Variants in XRN1 observed in about 807,000 individuals in gnomAD.
XRN1 encodes 5'-3' exoribonuclease 1.
In XRN1, 67 loss-of-function variants were observed where a neutral mutation model predicts 222.3. The ratio of observed to expected loss-of-function variants is 0.30; its 90% CI spans 0.25 to 0.37. XRN1 has a LOEUF of 0.37. Ranked by LOEUF, XRN1 falls within the 10% of genes least tolerant of loss-of-function variation. XRN1 has a pLI of 1.00. For missense variants in XRN1, 1,707 were observed against 2,000.2 expected, an observed-to-expected ratio of 0.85 and a Z score of 2.80; for synonymous variants, 643 against 652.4, an observed-to-expected ratio of 0.99 and a Z score of 0.22.
chr3:142,442,956 A>G (rs2070302573), intron 1 of XRN1, among the ~76,000 whole-genome samples: 1 of 152,096 alleles, frequency 6.6e-6, no homozygotes, highest in Admixed American at 6.5e-5. Flanking sequence ...GATGGTCTCA[A>G]TCTCCTGACC....
chr3:142,367,279 C>T lies in XRN1; in HGVS notation c.3205-1913G>A, dbSNP rs188067092. Among the ~76,000 whole-genome samples, 406 of 151,848 alleles carry T rather than the reference C, an allele frequency of 2.7e-3. 3 individuals carry two copies. Among genetic ancestry groups the T allele is most frequent in the South Asian group, 0.022 (106 of 4,806 alleles). The stretch of plus-strand genomic sequence containing the variant: ...TCCAGCCTGGGCAACAAGACTGAAA[C>T]TCCGTCTCAAAAAAAAAAAGAAAGA... On this transcript the variant is annotated intron_variant, in intron 27 of 40. Transcript: ENST00000392981.
chr3:142,312,400 T>C lies in XRN1; in HGVS notation c.4782+198A>G, dbSNP rs2065100982. 2.6e-5 allele frequency among the ~76,000 whole-genome samples: 4 copies of C among 152,202 alleles called. No individual in the cohort carries two copies. The South Asian group carries it at 8.3e-4, about 32-fold the overall frequency. ...AATCTGTATTAGAATAGCATATTAC[T>C]TGGTACAATTATTGTTTATTAGAAC... On this transcript the variant is annotated intron_variant, in intron 40 of 40. Transcript: ENST00000392981.
rs113819272 is a variant in XRN1 at position 142,387,298 on chromosome 3, G to A, written c.2340-2613C>T. Among the ~76,000 whole-genome samples the A allele has an allele frequency of 8.3e-3, 1,262 of 152,282 alleles. 18 individuals carry two copies. Among genetic ancestry groups the A allele is most frequent in the African/African-American group, 0.028 (1,154 of 41,554 alleles). ...AATGTATGTGGTTACAAGTCAAAAT[G>A]GTTATCCTCGTCACTGGGGGTGGGG... On this transcript the variant is annotated intron_variant, in intron 20 of 40. Coordinates refer to ENST00000392981, the MANE Select transcript of XRN1 (RefSeq NM_001282857.2).
intron 33 of XRN1, among the ~76,000 whole-genome samples, chr3:142,344,673 T>C (rs2066090091): frequency 6.6e-6 from 1 of 151,860 alleles, no homozygotes; most frequent in Non-Finnish European, 1.5e-5. Context: ...AAGAGTAAAA[T>C]ATTTAGGAAT....
At position 142,426,596 on chromosome 3, in the gene XRN1, C is replaced by A. The variant is rs572389146; in HGVS notation, c.406+148G>T. On this transcript the variant is annotated intron_variant, in intron 3 of 40. Transcript: ENST00000392981. ...GTATTTATGACCAAGGTGACCAAATCGTCTCATGAGCAAACATAAGTGGGA... is the reference window on the plus strand; with the variant it reads ...GTATTTATGACCAAGGTGACCAAATAGTCTCATGAGCAAACATAAGTGGGA... 433 of 673,852 alleles carry A rather than the reference C, an allele frequency of 6.4e-4. 1 individual carries two copies. The highest frequency in any genetic ancestry group is 8.6e-4 in the Non-Finnish European group (356 of 413,632). 41.7% of individuals were successfully genotyped at this position (673,852 alleles called of 1,614,324 possible). A position where few individuals can be genotyped will look rare whatever the true frequency, so the allele number is the denominator to read the frequency against.
rs149294208 is a variant in XRN1, at chr3:142,311,274, TAC to T, written c.*235_*236del. The T allele has an allele frequency of 0.038, 12,261 of 321,798 alleles. 1,416 individuals are homozygous for T. The highest frequency in any genetic ancestry group is 0.24 in the African/African-American group (11,319 of 46,914). The allele number at this position is 321,798 out of a possible 1,614,324, so 19.9% of individuals were successfully genotyped here. ...TGCAAGGTTTAATTTAGTTTTTTAT[TAC>T]AGATTTATTGAGGTATAATTGACAT... On this transcript the variant is annotated 3_prime_UTR_variant, in exon 41 of 41. Coordinates refer to ENST00000392981, the MANE Select transcript of XRN1 (RefSeq NM_001282857.2).
At chr3:142,421,344 G>T (rs1180878350) in intron 9 of XRN1, 132 bp downstream of exon 9, 2 of 934,036 alleles carry the variant, frequency 2.1e-6, no homozygotes, top group Non-Finnish European at 3.1e-6. Context: ...AATTAATTTA[G>T]GTAAAAGTGT....
intron 2 of XRN1, among the ~76,000 whole-genome samples, chr3:142,431,884 T>TTTA (rs2069569640): frequency 1.6e-5 from 1 of 62,908 alleles, no homozygotes; most frequent in African/African-American, 1.1e-4. Context: ...ATTATATATA[T>TTTA]TATATATAAT....
At chr3:142,416,970 A>G (rs2068812366) in intron 13 of XRN1, among the ~76,000 whole-genome samples, 170 bp downstream of exon 13, 1 of 150,282 alleles carries the variant, frequency 6.7e-6, no homozygotes, top group Non-Finnish European at 1.5e-5. Context: ...CGGAGATTGC[A>G]ATGAGCCGAG....
In XRN1 at chr3:142,380,023, TC is replaced by T. The variant is rs964289516; in HGVS notation, c.2715+58del. 295 of 1,405,012 alleles carry T rather than the reference TC, an allele frequency of 2.1e-4. 1 individual carries two copies. Among genetic ancestry groups the T allele is most frequent in the Middle Eastern group, 2.0e-4 (1 of 5,110 alleles). The allele number at this position is 1,405,012 out of a possible 1,614,324, so 87.0% of individuals were successfully genotyped here. On this transcript the variant is annotated intron_variant, in intron 23 of 40. Coordinates refer to ENST00000392981, the MANE Select transcript of XRN1 (RefSeq NM_001282857.2). ...AAATTCAAAGGAGGTGGCAAAAATA[TC>T]CTAATATTTTAAAAGTTTATCAATT... is the stretch of plus-strand genomic sequence containing the variant.
At chr3:142,421,448 A>G in intron 9 of XRN1, 28 bp downstream of exon 9, 1 of 1,585,102 alleles carries the variant, frequency 6.3e-7, no homozygotes, top group South Asian at 1.2e-5. Context: ...ACTCTGCGAC[A>G]GGAAACCAAA....
intron 23 of XRN1, 48 bp from the exon 24 acceptor site, chr3:142,376,642 A>G: frequency 1.5e-6 from 2 of 1,301,904 alleles, no homozygotes; most frequent in Non-Finnish European, 1.1e-6. Context: ...ACAAGTTTAC[A>G]TTAAATGTTA....
chr3:142,381,222 C>T (rs1455429939), intron 22 of XRN1, among the ~76,000 whole-genome samples: 1 of 152,102 alleles, frequency 6.6e-6, no homozygotes, highest in East Asian at 1.9e-4. Flanking sequence ...ACATAGTTAT[C>T]TTTCTGAACC....
chr3:142,335,589 A>C, intron 33 of XRN1, 80 bp from the exon 34 acceptor site: 1 of 1,257,602 alleles, frequency 8.0e-7, no homozygotes, highest in Non-Finnish European at 1.1e-6. Context: ...TATAATAGCA[A>C]GGCACTGTGT....
chr3:142,431,451 T>A (rs975196628), intron 2 of XRN1, among the ~76,000 whole-genome samples: 1 of 151,948 alleles, frequency 6.6e-6, no homozygotes, highest in Non-Finnish European at 1.5e-5. Flanking sequence ...GAGGCCAAGG[T>A]AGGCAGATCA....
intron 27 of XRN1, among the ~76,000 whole-genome samples, chr3:142,367,056 G>A (rs995042901): frequency 2.0e-5 from 3 of 152,182 alleles, no homozygotes; most frequent in Non-Finnish European, 2.9e-5. Flanking sequence ...GGGAGGCCGA[G>A]GCAGGTGGAT....
chr3:142,421,439 C>A (rs2069028348), intron 9 of XRN1, 37 bp downstream of exon 9: 1 of 1,530,380 alleles, frequency 6.5e-7, no homozygotes, highest in South Asian at 1.2e-5. Flanking sequence ...TTTACAGCTA[C>A]TCTGCGACAG....
At chr3:142,384,883 T>A (rs1389420535) in intron 20 of XRN1, among the ~76,000 whole-genome samples, 198 bp from the exon 21 acceptor site, 1 of 152,244 alleles carries the variant, frequency 6.6e-6, no homozygotes, top group Non-Finnish European at 1.5e-5. Context: ...CTTCTCCAAC[T>A]GTCTCTGTGA....
At chr3:142,435,397 C>G (rs80286303) in intron 1 of XRN1, 9 of 98,194 alleles carry the variant, frequency 9.2e-5, no homozygotes, top group South Asian at 3.3e-4. Context: ...GACTCTGTAT[C>G]AAAAAAAAAA....
Sources: allele counts gnomAD v4.1 joint callset (sites outside exome capture counted in the v4.1 genomes callset), GRCh38; gene constraint gnomAD v4.1.1; transcripts MANE v1.5; gene names NCBI Gene and HGNC (gene_info 2026-07-23, HGNC 2026-07-21).